Variants in CHRM3 observed in about 807,000 individuals in gnomAD.
CHRM3 encodes the protein cholinergic receptor muscarinic 3.
In CHRM3, 11 loss-of-function variants were observed where a neutral mutation model predicts 41.8. That is an observed-to-expected ratio of 0.26 (90% CI 0.17 to 0.44). The LOEUF is 0.44. CHRM3 is among the 20% of genes least tolerant of loss of function. CHRM3 has a pLI of 1.00. For synonymous variants in CHRM3, 297 were observed against 301.4 expected (o/e 0.99, Z 0.15); for missense variants, 571 against 745.4 (o/e 0.77, Z 2.72).
At chr1:239,513,828 AT>A (rs910240076) in intron 2 of CHRM3, among the ~76,000 whole-genome samples, 21 of 151,322 alleles carry the variant, frequency 1.4e-4, no homozygotes, top group African/African-American at 4.1e-4. Context: ...CTGTGTCTAG[AT>A]TTTTTTTTCT....
chr1:239,403,036 T>C (rs1201199142), intron 1 of CHRM3, among the ~76,000 whole-genome samples: 4 of 152,198 alleles, frequency 2.6e-5, no homozygotes, highest in African/African-American at 9.6e-5. Flanking sequence ...ACTGTACATC[T>C]TTTTCAATCC....
intron 3 of CHRM3, among the ~76,000 whole-genome samples, chr1:239,606,854 A>T (rs1666365816): frequency 6.6e-6 from 1 of 152,090 alleles, no homozygotes; most frequent in Non-Finnish European, 1.5e-5. Context: ...GTGCACCCAA[A>T]ATTCTCCTAA....
At chr1:239,774,060 GA>G (rs1052222325) in intron 5 of CHRM3, among the ~76,000 whole-genome samples, 1 of 152,136 alleles carries the variant, frequency 6.6e-6, no homozygotes, top group Admixed American at 6.5e-5. Flanking sequence ...TAATATATGA[GA>G]AAATACCACG....
intron 1 of CHRM3, among the ~76,000 whole-genome samples, chr1:239,463,173 T>A (rs1255052907): frequency 1.3e-5 from 2 of 152,160 alleles, no homozygotes; most frequent in African/African-American, 2.4e-5. Context: ...GTTTGGCATA[T>A]TATAGATACA....
intron 5 of CHRM3, among the ~76,000 whole-genome samples, chr1:239,711,722 C>T (rs1333447351): frequency 6.6e-6 from 1 of 150,732 alleles, no homozygotes; most frequent in Non-Finnish European, 1.5e-5. Flanking sequence ...CAGGGTCTCA[C>T]TCTGTTGCCC....
At chr1:239,494,029 G>A (rs369059631) in intron 2 of CHRM3, among the ~76,000 whole-genome samples, 115 of 152,202 alleles carry the variant, frequency 7.6e-4, no homozygotes, top group Non-Finnish European at 1.2e-3. Flanking sequence ...GGTAATGTAT[G>A]GGCTCTTGGC....
At chr1:239,860,224 A>C (rs1238462878) in intron 6 of CHRM3, among the ~76,000 whole-genome samples, 1 of 152,180 alleles carries the variant, frequency 6.6e-6, no homozygotes, top group Non-Finnish European at 1.5e-5. Flanking sequence ...TAGGCAATTC[A>C]CTTAATTACA....
At chr1:239,486,730 C>T (rs1667205864) in intron 1 of CHRM3, among the ~76,000 whole-genome samples, 1 of 152,096 alleles carries the variant, frequency 6.6e-6, no homozygotes, top group South Asian at 2.1e-4. Flanking sequence ...GAATATCTTC[C>T]CCTACCTCTG....
intron 6 of CHRM3, among the ~76,000 whole-genome samples, chr1:239,881,028 C>A (rs113111822): frequency 0.016 from 2,450 of 152,022 alleles, 78 homozygotes; most frequent in African/African-American, 0.056. Flanking sequence ...TCACGCCTGT[C>A]ATCCCAGCAC....
intron 3 of CHRM3, among the ~76,000 whole-genome samples, chr1:239,563,700 C>A (rs888646989): frequency 1.3e-5 from 2 of 151,952 alleles, no homozygotes; most frequent in African/African-American, 4.8e-5. Context: ...ACCAAGGGGT[C>A]TCTTTATTTA....
chr1:239,833,426 A>C (rs1211038367), intron 6 of CHRM3, among the ~76,000 whole-genome samples: 1 of 151,800 alleles, frequency 6.6e-6, no homozygotes, highest in Non-Finnish European at 1.5e-5. Context: ...AGTTTCTCCA[A>C]CTCCTCCAGG....
At chr1:239,417,552 G>T (rs183022013) in intron 1 of CHRM3, among the ~76,000 whole-genome samples, 1 of 144,716 alleles carries the variant, frequency 6.9e-6, no homozygotes, top group African/African-American at 2.5e-5. Flanking sequence ...CAATATGTCA[G>T]ATTGAGAAAA....
At chr1:239,395,260 G>A (rs958002071) in intron 1 of CHRM3, among the ~76,000 whole-genome samples, 2 of 152,050 alleles carry the variant, frequency 1.3e-5, no homozygotes, top group Admixed American at 6.6e-5. Context: ...ACCTGCCTCT[G>A]TCTTCACGAT....
chr1:239,547,877 A>G (rs983673652), intron 3 of CHRM3, among the ~76,000 whole-genome samples: 5 of 150,666 alleles, frequency 3.3e-5, no homozygotes, highest in Non-Finnish European at 5.9e-5. Context: ...GGAATACTGA[A>G]ATGACAAAAA....
At position 239,547,634 on chromosome 1, in the gene CHRM3, G is replaced by A. The variant is rs116306099; in HGVS notation, c.-313+1885G>A. ...TAACACAGCATCCACACAAGGAATG[G>A]CAGCTATCCCCTTTGTCAGGCATTG... On this transcript the variant is annotated intron_variant, in intron 3 of 6. Transcript: ENST00000676153. Among the ~76,000 whole-genome samples the A allele has an allele frequency of 6.2e-3, 947 of 152,248 alleles. 15 individuals carry two copies. The highest frequency in any genetic ancestry group is 0.022 in the African/African-American group (909 of 41,540).
chr1:239,667,889 G>T (rs1411137154), intron 4 of CHRM3, among the ~76,000 whole-genome samples: 1 of 151,938 alleles, frequency 6.6e-6, no homozygotes, highest in East Asian at 1.9e-4. Context: ...TTGTACATTT[G>T]TAACTCTAGT....
chr1:239,438,507 T>C (rs899797102), intron 1 of CHRM3, among the ~76,000 whole-genome samples: 6 of 152,244 alleles, frequency 3.9e-5, no homozygotes, highest in Admixed American at 1.3e-4. Flanking sequence ...GGCGTTCACT[T>C]CTATATTTTA....
At chr1:239,904,678 C>T (rs1386700644) in intron 6 of CHRM3, among the ~76,000 whole-genome samples, 1 of 151,960 alleles carries the variant, frequency 6.6e-6, no homozygotes, top group African/African-American at 2.4e-5. Flanking sequence ...TAATAAAACC[C>T]AAATATTTAA....
intron 2 of CHRM3, among the ~76,000 whole-genome samples, chr1:239,544,283 G>A (rs981017978): frequency 6.6e-6 from 1 of 152,042 alleles, no homozygotes; most frequent in Non-Finnish European, 1.5e-5. Flanking sequence ...TCCTCTATTC[G>A]TGCCATCCTT....
Sources: allele counts gnomAD v4.1 joint callset (sites outside exome capture counted in the v4.1 genomes callset), GRCh38; gene constraint gnomAD v4.1.1; transcripts MANE v1.5; gene names NCBI Gene and HGNC (gene_info 2026-07-23, HGNC 2026-07-21).